Variants in GPHN observed in about 807,000 individuals in gnomAD.
GPHN encodes gephyrin.
In GPHN, 17 loss-of-function variants were observed where a neutral mutation model predicts 95.5. The observed-to-expected ratio is 0.18, with a 90% CI of 0.12 to 0.27. The LOEUF (loss-of-function observed/expected upper bound fraction) is 0.27. GPHN is among the 10% of genes least tolerant of loss of function. The pLI is 1.00. For synonymous variants in GPHN, 320 were observed against 322.5 expected (o/e 0.99, Z 0.08); for missense variants, 660 against 978.1 (o/e 0.67, Z 4.34).
rs555960524 is a variant in GPHN, at chr14:67,181,368, A to G, written c.*431A>G. 6.6e-6 allele frequency: 3 copies of G among 457,352 alleles called. No homozygotes were observed. The East Asian group carries it at 1.3e-4, about 19-fold the overall frequency. 28.3% of individuals were successfully genotyped at this position (457,352 alleles called of 1,614,324 possible). ...TCTTAGTATGCTTCATAACTGCTTTACAGAGAGCTTTTGCTTGTTCTTTCT... is the reference window on the plus strand; with the variant it reads ...TCTTAGTATGCTTCATAACTGCTTTGCAGAGAGCTTTTGCTTGTTCTTTCT... On this transcript the variant is annotated 3_prime_UTR_variant, in exon 23 of 23. Coordinates refer to ENST00000478722, the MANE Select transcript of GPHN (RefSeq NM_020806.5).
At chr14:66,666,782 C>G (rs1308830008) in intron 1 of GPHN, among the ~76,000 whole-genome samples, 1 of 152,132 alleles carries the variant, frequency 6.6e-6, no homozygotes, top group African/African-American at 2.4e-5. Flanking sequence ...GAATTTCTGG[C>G]CAGAGCAATC....
chr14:67,309,275 T>C, the GPHN span, among the ~76,000 whole-genome samples: 5 of 152,184 alleles, frequency 3.3e-5, no homozygotes, highest in Admixed American at 6.5e-5. Context: ...AGATAACTTC[T>C]AGAACTGGTA....
intron 17 of GPHN, among the ~76,000 whole-genome samples, chr14:67,138,887 CTTTTTTTTTTTTTT>C (rs34446302): frequency 1.1e-5 from 1 of 94,680 alleles, no homozygotes; most frequent in Non-Finnish European, 1.8e-5. Flanking sequence ...GCATCCTCTC[CTTTTTTTTTTTTTT>C]TTTTTTTTTT....
the GPHN span, among the ~76,000 whole-genome samples, chr14:67,536,187 G>A: frequency 1.3e-5 from 2 of 148,964 alleles, no homozygotes; most frequent in African/African-American, 5.2e-5. Context: ...CTGTCTCCCC[G>A]GACATTGTGT....
chr14:67,331,075 C>T, the GPHN span, among the ~76,000 whole-genome samples: 3 of 151,770 alleles, frequency 2.0e-5, no homozygotes, highest in East Asian at 2.0e-4. Context: ...GACAGAGTCT[C>T]ACTCTGTCGC....
At chr14:66,766,424 A>G (rs777756830) in intron 2 of GPHN, among the ~76,000 whole-genome samples, 4 of 152,184 alleles carry the variant, frequency 2.6e-5, no homozygotes, top group Non-Finnish European at 5.9e-5. Context: ...GAGAAAAACT[A>G]TAGTTTTAGA....
chr14:66,899,211 A>C (rs1057057167), intron 5 of GPHN, among the ~76,000 whole-genome samples: 1 of 151,308 alleles, frequency 6.6e-6, no homozygotes, highest in Non-Finnish European at 1.5e-5. Flanking sequence ...ATCATCTGCA[A>C]ATAGGGGTAG....
chr14:67,326,221 ATTTTTTTTTTTTTTTTTTTT>A, the GPHN span, among the ~76,000 whole-genome samples: 9 of 12,914 alleles, frequency 7.0e-4, no homozygotes, highest in African/African-American at 1.2e-3. Context: ...TTTAGGTCTG[ATTTTTTTTTTTTTTTTTTTT>A]TTTTTTTTTT....
chr14:67,211,105 T>A, the GPHN span, among the ~76,000 whole-genome samples: 4 of 152,226 alleles, frequency 2.6e-5, no homozygotes, highest in South Asian at 8.3e-4. Flanking sequence ...GTTACTTAAC[T>A]TCTTCAGGTC....
the GPHN span, chr14:67,395,404 C>A: frequency 6.2e-7 from 1 of 1,613,480 alleles, no homozygotes; most frequent in African/African-American, 1.3e-5. Flanking sequence ...GCACTCACTG[C>A]AGGCTGATGT....
intron 1 of GPHN, among the ~76,000 whole-genome samples, chr14:66,630,240 C>T (rs1326700498): frequency 2.0e-5 from 3 of 152,094 alleles, no homozygotes; most frequent in African/African-American, 7.2e-5. Flanking sequence ...CTATAATTTT[C>T]ACTGGCTCAT....
chr14:66,848,763 T>A (rs2062446979), intron 4 of GPHN, among the ~76,000 whole-genome samples: 1 of 151,856 alleles, frequency 6.6e-6, no homozygotes, highest in African/African-American at 2.4e-5. Flanking sequence ...ATGGAAATAA[T>A]ACATGCTTTT....
the GPHN span, chr14:67,337,735 CTCAAATGCTTCATCT>C: frequency 6.6e-6 from 1 of 152,158 alleles, no homozygotes; most frequent in Non-Finnish European, 1.5e-5. Context: ...GATGTGGCCA[CTCAAATGCTTCATCT>C]TCATATATGA....
chr14:67,306,934 T>G, the GPHN span, among the ~76,000 whole-genome samples: 14 of 152,236 alleles, frequency 9.2e-5, no homozygotes, highest in Non-Finnish European at 1.9e-4. Flanking sequence ...GCAGCAGATA[T>G]CTTCCTGATT....
chr14:66,996,159 T>A, intron 9 of GPHN: 1 of 1,524,220 alleles, frequency 6.6e-7, no homozygotes. Context: ...TGTTTTCTTT[T>A]CCCCACTGCA....
the GPHN span, among the ~76,000 whole-genome samples, chr14:67,491,211 T>G: frequency 2.0e-5 from 3 of 152,176 alleles, no homozygotes; most frequent in Admixed American, 1.3e-4. Context: ...AGGGTGCAGA[T>G]GAGCAACCAG....
At chr14:67,378,617 A>C in the GPHN span, among the ~76,000 whole-genome samples, 1 of 152,174 alleles carries the variant, frequency 6.6e-6, no homozygotes, top group Admixed American at 6.5e-5. Context: ...TACATTTCTT[A>C]ACTTGTCTCA....
At chr14:67,665,189 T>C in the GPHN span, among the ~76,000 whole-genome samples, 1 of 151,972 alleles carries the variant, frequency 6.6e-6, no homozygotes, top group African/African-American at 2.4e-5. Flanking sequence ...ACATAAGATG[T>C]AATGTCACTG....
chr14:67,188,019 C>G, the GPHN span, among the ~76,000 whole-genome samples: 5 of 152,152 alleles, frequency 3.3e-5, no homozygotes, highest in Non-Finnish European at 7.3e-5. Flanking sequence ...ATAGTAAGTA[C>G]TCATTACTGA....
Sources: gnomAD v4.1 joint callset for allele counts (sites outside exome capture counted in the v4.1 genomes callset) on GRCh38, gnomAD v4.1.1 for gene constraint, MANE v1.5 for transcripts, NCBI Gene and HGNC (gene_info 2026-07-23, HGNC 2026-07-21) for gene names.